GALNT1: variants seen among roughly 807,000 people sequenced by gnomAD.
GALNT1 encodes GalNAc transferase 1.
GALNT1 carries 17 observed loss-of-function variants against 65.7 expected under a neutral mutation model. That is an observed-to-expected ratio of 0.26 (90% CI 0.18 to 0.39). GALNT1 has a LOEUF of 0.39. GALNT1 is among the 10% of genes least tolerant of loss of function. The pLI is 1.00. For missense variants in GALNT1, 460 were observed against 672.8 expected (o/e 0.68, Z 3.50); for synonymous variants, 210 against 219.7 (o/e 0.96, Z 0.39).
intron 3 of GALNT1, among the ~76,000 whole-genome samples, chr18:35,667,417 A>G (rs1351229009): frequency 6.6e-6 from 1 of 152,198 alleles, no homozygotes; most frequent in Non-Finnish European, 1.5e-5. Context: ...ACATTTCTAA[A>G]TATTTCAATA....
intron 1 of GALNT1, among the ~76,000 whole-genome samples, chr18:35,629,952 G>A (rs1248570609): frequency 6.6e-6 from 1 of 152,110 alleles, no homozygotes; most frequent in African/African-American, 2.4e-5. Flanking sequence ...GATCAAAAGA[G>A]ACAAAGAAGG....
At chr18:35,664,321 T>C (rs1047334266) in intron 3 of GALNT1, 18 of 152,076 alleles carry the variant, frequency 1.2e-4, no homozygotes, top group African/African-American at 4.1e-4. Context: ...TTGTCTCTTT[T>C]TGAACTTTTT....
intron 1 of GALNT1, among the ~76,000 whole-genome samples, chr18:35,615,707 A>G (rs548171478): frequency 6.6e-6 from 1 of 152,348 alleles, no homozygotes; most frequent in Admixed American, 6.5e-5. Context: ...CAGTACGCAT[A>G]CATACGTAAG....
chr18:35,590,302 C>T lies in GALNT1; in HGVS notation c.-104+8440C>T, dbSNP rs558872765. Among the ~76,000 whole-genome samples, 9 of 152,208 alleles carry T rather than the reference C, an allele frequency of 5.9e-5. No individual in the cohort carries two copies. In the East Asian group the frequency reaches 1.3e-3, roughly 23 times the overall value. On this transcript the variant is annotated intron_variant, in intron 1 of 11. Coordinates refer to ENST00000269195, the MANE Select transcript of GALNT1 (RefSeq NM_020474.4). ...TTACAAATTATAAATTCTTATAAAT[C>T]GTTATGAGACTCCTTTAAATCCTTC...
At chr18:35,658,790 A>G (rs1377637815) in intron 2 of GALNT1, among the ~76,000 whole-genome samples, 2 of 151,270 alleles carry the variant, frequency 1.3e-5, no homozygotes, top group Non-Finnish European at 2.9e-5. Flanking sequence ...GCTCACTGCA[A>G]CCTCCGTCTC....
At chr18:35,593,524 G>A (rs943140215) in intron 1 of GALNT1, among the ~76,000 whole-genome samples, 26 of 152,046 alleles carry the variant, frequency 1.7e-4, no homozygotes, top group Admixed American at 5.2e-4. Context: ...TTGAGTCAGG[G>A]TAGTAAGGTA....
At chr18:35,587,724 A>G (rs2046394392) in intron 1 of GALNT1, among the ~76,000 whole-genome samples, 1 of 152,184 alleles carries the variant, frequency 6.6e-6, no homozygotes, top group Non-Finnish European at 1.5e-5. Context: ...TTTTGTACAT[A>G]TGTTGCTGAA....
intron 11 of GALNT1, among the ~76,000 whole-genome samples, chr18:35,705,548 A>G (rs1411434601): frequency 6.6e-6 from 1 of 152,198 alleles, no homozygotes; most frequent in African/African-American, 2.4e-5. Context: ...TTCCCATGGT[A>G]TGTGCCACTG....
At chr18:35,596,117 T>C (rs908190867) in intron 1 of GALNT1, 7 of 152,174 alleles carry the variant, frequency 4.6e-5, no homozygotes, top group African/African-American at 1.7e-4. Context: ...GGGTAGATTA[T>C]GTTGGAGAAG....
chr18:35,687,821 A>G (rs565250885), intron 6 of GALNT1, among the ~76,000 whole-genome samples: 1 of 152,186 alleles, frequency 6.6e-6, no homozygotes, highest in African/African-American at 2.4e-5. Flanking sequence ...CCATCCTAGA[A>G]TTTAGCCCCA....
chr18:35,630,053 C>T (rs1233381206), intron 1 of GALNT1, among the ~76,000 whole-genome samples: 3 of 152,152 alleles, frequency 2.0e-5, no homozygotes, highest in Non-Finnish European at 2.9e-5. Flanking sequence ...ATTCATAAAG[C>T]AAGTCCTTAG....
At chr18:35,708,782 C>T (rs1568039216) in intron 11 of GALNT1, among the ~76,000 whole-genome samples, 1 of 152,188 alleles carries the variant, frequency 6.6e-6, no homozygotes, top group Non-Finnish European at 1.5e-5. Flanking sequence ...AAATCTAGAA[C>T]TTAAATAAGT....
intron 1 of GALNT1, among the ~76,000 whole-genome samples, chr18:35,610,637 T>C (rs2046705449): frequency 1.3e-5 from 2 of 152,214 alleles, no homozygotes; most frequent in South Asian, 2.1e-4. Context: ...TTTTACACTT[T>C]TAGAAATTAC....
At chr18:35,608,472 T>G (rs1293919488) in intron 1 of GALNT1, among the ~76,000 whole-genome samples, 1 of 152,074 alleles carries the variant, frequency 6.6e-6, no homozygotes, top group Non-Finnish European at 1.5e-5. Flanking sequence ...GTGAAAAGAG[T>G]GTAAAACACC....
intron 1 of GALNT1, among the ~76,000 whole-genome samples, chr18:35,630,107 G>C (rs1243396859): frequency 2.0e-5 from 3 of 152,122 alleles, no homozygotes; most frequent in Non-Finnish European, 4.4e-5. Flanking sequence ...AATAATGGGA[G>C]ACTTTAACAC....
chr18:35,652,016 A>G (rs552948478), intron 1 of GALNT1, among the ~76,000 whole-genome samples: 21 of 152,066 alleles, frequency 1.4e-4, no homozygotes, highest in African/African-American at 5.1e-4. Flanking sequence ...TTCTAAAGAC[A>G]TAAGTAGCCT....
At chr18:35,656,818 T>C (rs1052686794) in intron 2 of GALNT1, among the ~76,000 whole-genome samples, 8 of 152,130 alleles carry the variant, frequency 5.3e-5, no homozygotes. Flanking sequence ...CAGATACCAG[T>C]CTGAGACTGT....
chr18:35,583,871 C>T (rs2046351555), intron 1 of GALNT1, among the ~76,000 whole-genome samples: 1 of 152,182 alleles, frequency 6.6e-6, no homozygotes, highest in Admixed American at 6.5e-5. Flanking sequence ...TTGCTCCTGG[C>T]TCACTTGCAT....
intron 2 of GALNT1, among the ~76,000 whole-genome samples, chr18:35,663,161 G>A (rs1367157300): frequency 6.6e-6 from 1 of 152,216 alleles, no homozygotes; most frequent in Non-Finnish European, 1.5e-5. Context: ...GTGAGCAAAG[G>A]CATGGAAGCA....
Sources: gnomAD v4.1 joint callset for allele counts (sites outside exome capture counted in the v4.1 genomes callset) on GRCh38, gnomAD v4.1.1 for gene constraint, MANE v1.5 for transcripts, NCBI Gene and HGNC (gene_info 2026-07-23, HGNC 2026-07-21) for gene names.